The following RYR1 variants were observed in gnomAD, a reference collection of about 807,000 sequenced individuals.
The protein encoded by RYR1 is central core disease of muscle.
A neutral mutation model predicts 583.5 loss-of-function variants in RYR1; 342 were observed. The ratio of observed to expected loss-of-function variants is 0.59; its 90% CI spans 0.54 to 0.64. RYR1 has a LOEUF of 0.64. Among genes scored for constraint, RYR1 ranks in the 30% least tolerant of loss-of-function variants. The pLI, the probability that RYR1 is intolerant of heterozygous loss-of-function variation, is 0.00. For missense variants in RYR1, 6,032 were observed against 6,917.2 expected, an observed-to-expected ratio of 0.87 and a Z score of 4.54; for synonymous variants, 2,791 against 2,822.5, an observed-to-expected ratio of 0.99 and a Z score of 0.35.
chr19:38,475,554 C>A, intron 29 of RYR1, 104 bp downstream of exon 29: 2 of 1,382,326 alleles, frequency 1.4e-6, no homozygotes, highest in Non-Finnish European at 2.0e-6. Context: ...CCACCTTACA[C>A]TGGGGACTCC....
chr19:38,543,852 C>T lies in RYR1; in HGVS notation c.11989C>T (p.His3997Tyr), dbSNP rs1270801953. 2 of 1,613,780 alleles carry T rather than the reference C, an allele frequency of 1.2e-6. No individual in the cohort carries two copies. Among genetic ancestry groups the T allele is most frequent in the South Asian group, 1.1e-5 (1 of 91,054 alleles). The part of the protein sequence containing the change: ...AVVGFLHVFA[H>Y]MMMKLAQDSS... ...GGTGGGATTCCTGCACGTGTTCGCC[C>T]ACATGATGATGAAGCTCGCTCAGGT... is the stretch of plus-strand genomic sequence containing the variant. The change falls in exon 87 of 106, where the codon CAC becomes TAC. Residue 3997 changes from histidine to tyrosine, a missense_variant. His to Tyr is a moderately conservative substitution (Grantham distance 83). Transcript: ENST00000359596. This position sits in a 1 kb window ranked among gnomAD's most constrained non-coding sequence, Gnocchi z 4.4.
Position 38,500,976 on chromosome 19 carries a change from G to A in RYR1, c.7600G>A (p.Ala2534Thr), listed in dbSNP as rs1398337259. 6.8e-6 allele frequency: 11 copies of A among 1,613,250 alleles called. No homozygotes were observed. Among genetic ancestry groups the A allele is most frequent in the East Asian group, 6.7e-5 (3 of 44,894 alleles). ...VGFLPDMRAA[A>T]SLDTATFSTT... is the part of the protein sequence containing the mutation. The stretch of plus-strand genomic sequence containing the variant: ...GTTCCTGCCCGACATGAGGGCAGCC[G>A]CCTCGCTGGACACGGTGAGCAACCC... The change falls in exon 47 of 106, where the codon GCC (alanine) becomes ACC (threonine). Residue 2534 changes from alanine (A) to threonine (T), a missense_variant. By Grantham distance (58) the Ala-to-Thr change is moderately conservative (BLOSUM62 0). Transcript: ENST00000359596. This position sits in a 1 kb window ranked among gnomAD's most constrained non-coding sequence, Gnocchi z 5.9.
rs940252727 is a variant in RYR1 at position 38,548,327 on chromosome 19, G to A, written c.12189G>A (p.Met4063Ile). 2 of 1,614,208 alleles carry A rather than the reference G, an allele frequency of 1.2e-6. No homozygotes were observed. The highest frequency in any genetic ancestry group is 2.7e-5 in the African/African-American group (2 of 75,062). The change falls in exon 89 of 106, where the codon ATG becomes ATA. Residue 4063 changes from methionine (M) to isoleucine (I), a missense_variant. Met to Ile is a conservative substitution (Grantham distance 10). This residue lies in a region of RYR1 where 753 missense variants were observed against 759.6 expected (regional missense o/e 0.99). Coordinates refer to ENST00000359596, the MANE Select transcript of RYR1 (RefSeq NM_000540.3). ...AGATGATCCTCAAGTTCTTCGACAT[G>A]TTCCTGAAACTCAAGGACATTGTGG... ...NVEMILKFFD[M>I]FLKLKDIVGS...
At chr19:38,446,260 G>A (rs1314196942) in intron 7 of RYR1, among the ~76,000 whole-genome samples, 13 of 151,984 alleles carry the variant, frequency 8.6e-5, no homozygotes, top group Non-Finnish European at 1.5e-5. Flanking sequence ...CCCAAATTAG[G>A]TGCCCAGCTT....
intron 84 of RYR1, among the ~76,000 whole-genome samples, chr19:38,538,386 C>T (rs1230294471): frequency 6.6e-6 from 1 of 152,060 alleles, no homozygotes; most frequent in African/African-American, 2.4e-5. Flanking sequence ...GGCAACAGAG[C>T]AAAACTCCAT....
intron 72 of RYR1, among the ~76,000 whole-genome samples, chr19:38,527,291 A>C (rs1600928819): frequency 6.6e-6 from 1 of 152,066 alleles, no homozygotes; most frequent in African/African-American, 2.4e-5. Context: ...CGGGCAGATC[A>C]CCTGAGGTTA....
chr19:38,533,731 G>T (rs918705291), intron 78 of RYR1, among the ~76,000 whole-genome samples: 1 of 150,566 alleles, frequency 6.6e-6, no homozygotes, highest in African/African-American at 2.4e-5. Flanking sequence ...GGTGGAAGTT[G>T]CAGTGAGCCG....
chr19:38,523,158 C>T (rs761815019), intron 68 of RYR1, 43 bp downstream of exon 68: 22 of 1,613,630 alleles, frequency 1.4e-5, no homozygotes, highest in Middle Eastern at 1.6e-4. Flanking sequence ...CCAGAGGAGC[C>T]GCAGCCCACA....
At chr19:38,531,353 C>T (rs549658476) in intron 76 of RYR1, among the ~76,000 whole-genome samples, 8 of 152,024 alleles carry the variant, frequency 5.3e-5, no homozygotes, top group African/African-American at 1.9e-4. Context: ...CTTAGTTCCC[C>T]CACCGATAAA....
rs2915954 is a variant in RYR1 at position 38,506,000 on chromosome 19, A to G, written c.8541+54A>G. On this transcript the variant is annotated intron_variant, in intron 54 of 105. Transcript: ENST00000359596. ...GGGCACGATGGGGGGAGGGTCTAGAACAAGGGGCATGGCCAGACAGGGAAG... is the reference window on the plus strand; with the variant it reads ...GGGCACGATGGGGGGAGGGTCTAGAGCAAGGGGCATGGCCAGACAGGGAAG... The G allele has an allele frequency of 0.26, 379,965 of 1,479,342 alleles. 60,377 individuals carry two copies. Among genetic ancestry groups the G allele is most frequent in the South Asian group, 0.44 (37,884 of 86,252 alleles). 91.6% of individuals were successfully genotyped at this position (1,479,342 alleles called of 1,614,324 possible).
Position 38,496,601 on chromosome 19 carries a change from G to A in RYR1, c.6796+60G>A. 6.2e-7 allele frequency: 1 copy of A among 1,602,644 alleles called. No individual in the cohort carries two copies. Among genetic ancestry groups the A allele is most frequent in the Non-Finnish European group, 8.5e-7 (1 of 1,171,914 alleles). ...AACCCACTCCTGGCACCCCGTCCAG[G>A]CCTGCCCCACTTTCCACCAGCTCAC... On this transcript the variant is annotated intron_variant, in intron 41 of 105. Transcript: ENST00000359596. This position sits in a 1 kb window ranked among gnomAD's most constrained non-coding sequence, Gnocchi z 4.8.
chr19:38,497,302 G>A (rs1456714993), intron 42 of RYR1, among the ~76,000 whole-genome samples: 2 of 152,082 alleles, frequency 1.3e-5, no homozygotes, highest in Non-Finnish European at 2.9e-5. Flanking sequence ...ACGCTTCCGG[G>A]TTGGGGGCCG....
At chr19:38,581,585 T>A (rs1388028836) in intron 101 of RYR1, among the ~76,000 whole-genome samples, 1 of 151,870 alleles carries the variant, frequency 6.6e-6, no homozygotes, top group African/African-American at 2.4e-5. Flanking sequence ...TCAATATTAT[T>A]TGAGCTGAGG....
chr19:38,567,040 G>C (rs1973475429), intron 92 of RYR1, 53 bp downstream of exon 92: 1 of 1,550,304 alleles, frequency 6.5e-7, no homozygotes, highest in Non-Finnish European at 8.7e-7. Context: ...CTCCCTCCTA[G>C]AGTAGGAGCC....
At chr19:38,585,800 A>G (rs575399789) in intron 102 of RYR1, 138 bp from the exon 103 acceptor site, 89 of 1,065,018 alleles carry the variant, frequency 8.4e-5, no homozygotes, top group Middle Eastern at 2.4e-4. Context: ...GCCTAATACT[A>G]TCTTCTTAGG....
rs774243262 is a variant in RYR1 at position 38,460,530 on chromosome 19, T to C, written c.2516T>C (p.Val839Ala). 1 of 1,614,078 alleles carries C rather than the reference T, an allele frequency of 6.2e-7. No individual in the cohort carries two copies. The highest frequency in any genetic ancestry group is 8.5e-7 in the Non-Finnish European group (1 of 1,180,026). The change falls in exon 20 of 106, where the codon GTG becomes GCG. Residue 839 changes from valine (V) to alanine (A), a missense_variant. This residue lies in a region of RYR1 where 2,627 missense variants were observed against 2,961.3 expected (regional missense o/e 0.89). Coordinates refer to ENST00000359596, the MANE Select transcript of RYR1 (RefSeq NM_000540.3). ...GAGGGGCCCCGGGGGCCTCACCTGG[T>C]GGGCCCCAGTCGCTGCCTCTCACAC... Reference protein sequence around the residue: ...RREGPRGPHLVGPSRCLSHTD... With the variant: ...RREGPRGPHLAGPSRCLSHTD...
intron 79 of RYR1, 151 bp downstream of exon 79, chr19:38,534,970 C>T: frequency 1.8e-6 from 2 of 1,081,844 alleles, no homozygotes; most frequent in Non-Finnish European, 2.7e-6. Flanking sequence ...CCCTTGTATA[C>T]CTGCCTTGCA....
chr19:38,502,794 G>GGGGCAGGGGCAGGGGCAC (rs1970228437), intron 48 of RYR1, 67 bp downstream of exon 48: 3 of 1,098,162 alleles, frequency 2.7e-6, no homozygotes, highest in Non-Finnish European at 3.6e-6. Context: ...GGCAGGGGCA[G>GGGGCAGGGGCAGGGGCAC]GGGCAGGGGC....
At chr19:38,437,972 G>A (rs1030391666) in intron 1 of RYR1, among the ~76,000 whole-genome samples, 6 of 146,984 alleles carry the variant, frequency 4.1e-5, no homozygotes, top group African/African-American at 7.7e-5. Flanking sequence ...AGGAGACAGA[G>A]TGAGACCCAG....
Sources: gnomAD v4.1 joint callset for allele counts (sites outside exome capture counted in the v4.1 genomes callset) on GRCh38, gnomAD v4.1.1 for gene constraint, gnomAD v4.1.1 regional missense constraint, Gnocchi (gnomAD v3.1) non-coding constraint, MANE v1.5 for transcripts, NCBI Gene and HGNC (gene_info 2026-07-23, HGNC 2026-07-21) for gene names.